The following FHIT variants were observed in gnomAD, a reference collection of about 807,000 sequenced individuals.
FHIT encodes bis(5'-adenosyl)-triphosphatase.
FHIT carries 19 observed loss-of-function variants against 17.9 expected under a neutral mutation model. The observed-to-expected ratio is 1.06, with a 90% CI of 0.74 to 1.56. The LOEUF is 1.56. Among genes scored for constraint, FHIT ranks in the 40% most tolerant of loss-of-function variants. The probability of loss-of-function intolerance (pLI) is 0.00; values close to 1 mark genes in which losing one functional copy is unlikely to be tolerated. For synonymous variants in FHIT, 81 were observed against 69.7 expected, an observed-to-expected ratio of 1.16 and a Z score of -0.81; for missense variants, 248 against 189.2, an observed-to-expected ratio of 1.31 and a Z score of -1.82.
chr3:61,185,959 T>A (rs2038495264), intron 2 of FHIT, among the ~76,000 whole-genome samples: 2 of 152,164 alleles, frequency 1.3e-5, no homozygotes, highest in Admixed American at 6.5e-5. Flanking sequence ...AATAAAGACA[T>A]AGACTGAACC....
At chr3:61,000,575 T>C (rs2031004647) in intron 3 of FHIT, among the ~76,000 whole-genome samples, 1 of 152,132 alleles carries the variant, frequency 6.6e-6, no homozygotes. Flanking sequence ...CTCTACTCCT[T>C]CCCTCTAAAT....
At chr3:60,427,724 T>G (rs1443133290) in intron 5 of FHIT, among the ~76,000 whole-genome samples, 1 of 152,148 alleles carries the variant, frequency 6.6e-6, no homozygotes, top group Non-Finnish European at 1.5e-5. Context: ...TATTGCTAGA[T>G]TTTTAGACTG....
intron 3 of FHIT, among the ~76,000 whole-genome samples, chr3:60,991,023 T>C (rs2030160198): frequency 6.6e-6 from 1 of 152,112 alleles, no homozygotes; most frequent in South Asian, 2.1e-4. Flanking sequence ...AAAATAAGTT[T>C]GGTAGTAGTA....
chr3:61,209,289 A>T (rs1055577986), intron 1 of FHIT, among the ~76,000 whole-genome samples: 4 of 152,090 alleles, frequency 2.6e-5, no homozygotes, highest in South Asian at 4.1e-4. Flanking sequence ...CTGACAATGA[A>T]GTGTCTTGGA....
intron 5 of FHIT, among the ~76,000 whole-genome samples, chr3:60,019,511 T>A (rs990875677): frequency 4.0e-5 from 6 of 150,534 alleles, no homozygotes; most frequent in African/African-American, 1.5e-4. Flanking sequence ...CTCTGCTTCC[T>A]GGGTTCAAGT....
rs1038376029 is a variant in FHIT, at chr3:60,757,975, G to A, written c.-18+63944C>T. 1.1e-4 allele frequency among the ~76,000 whole-genome samples: 16 copies of A among 152,280 alleles called. No homozygotes were observed. In the East Asian group the frequency reaches 2.5e-3, roughly 24 times the overall value. On this transcript the variant is annotated intron_variant, in intron 4 of 9. Transcript: ENST00000492590. Reference sequence around the variant, plus strand: ...TCGCCTGTTGCCTGCCTCAGAGGCTGGCTTACATGGACTACGGCCCAGGGC... The same window carrying A: ...TCGCCTGTTGCCTGCCTCAGAGGCTAGCTTACATGGACTACGGCCCAGGGC...
At chr3:60,055,900 G>C (rs1336455490) in intron 5 of FHIT, among the ~76,000 whole-genome samples, 1 of 152,120 alleles carries the variant, frequency 6.6e-6, no homozygotes, top group African/African-American at 2.4e-5. Flanking sequence ...TGGCTCCTAA[G>C]GACTCAGTAA....
intron 5 of FHIT, among the ~76,000 whole-genome samples, chr3:60,217,378 C>G (rs1047248522): frequency 3.9e-5 from 6 of 152,186 alleles, no homozygotes; most frequent in African/African-American, 1.4e-4. Context: ...CCATCAATCA[C>G]CAGTTCCACT....
intron 4 of FHIT, among the ~76,000 whole-genome samples, chr3:60,770,896 G>T (rs188329027): frequency 3.0e-4 from 46 of 152,222 alleles, no homozygotes; most frequent in East Asian, 2.5e-3. Context: ...CCATTCTATT[G>T]TTTGCAACTA....
At chr3:60,557,348 G>C (rs185419525) in intron 4 of FHIT, among the ~76,000 whole-genome samples, 1 of 152,058 alleles carries the variant, frequency 6.6e-6, no homozygotes, top group African/African-American at 2.4e-5. Flanking sequence ...TCATGTAAAT[G>C]ATCATTCCAA....
intron 4 of FHIT, among the ~76,000 whole-genome samples, chr3:60,808,791 C>G (rs960298432): frequency 1.3e-5 from 2 of 152,254 alleles, no homozygotes; most frequent in East Asian, 3.9e-4. Flanking sequence ...AGTTCTCCCC[C>G]CTGATTTCTT....
Position 59,759,443 on chromosome 3 carries a change from A to T in FHIT, c.349-7122T>A, listed in dbSNP as rs138868308. ...GTTAGCGTCATGGCCACTAAGTGAG[A>T]GGACTTGGCCCCTCACTATAGATGG... On this transcript the variant is annotated intron_variant, in intron 8 of 9. Coordinates refer to ENST00000492590, the MANE Select transcript of FHIT (RefSeq NM_002012.4). Among the ~76,000 whole-genome samples the T allele has an allele frequency of 1.0e-3, 154 of 152,298 alleles. 1 individual carries two copies. The highest frequency in any genetic ancestry group is 3.3e-3 in the African/African-American group (138 of 41,578).
At chr3:59,907,934 G>A (rs886071399) in intron 8 of FHIT, among the ~76,000 whole-genome samples, 1 of 152,130 alleles carries the variant, frequency 6.6e-6, no homozygotes, top group African/African-American at 2.4e-5. Context: ...ATGGCCAGTT[G>A]AATCTTTCTC....
intron 2 of FHIT, among the ~76,000 whole-genome samples, chr3:61,085,942 T>A (rs1170463689): frequency 6.6e-6 from 1 of 152,220 alleles, no homozygotes; most frequent in Non-Finnish European, 1.5e-5. Flanking sequence ...TTTCATTTTG[T>A]AATTCTTTGT....
At chr3:61,230,386 A>G (rs2040070114) in intron 1 of FHIT, among the ~76,000 whole-genome samples, 1 of 152,116 alleles carries the variant, frequency 6.6e-6, no homozygotes, top group South Asian at 2.1e-4. Context: ...CTTTTGCCAT[A>G]TGACATGCCT....
intron 8 of FHIT, among the ~76,000 whole-genome samples, chr3:59,905,343 G>A (rs1050735489): frequency 3.3e-5 from 5 of 152,204 alleles, no homozygotes; most frequent in African/African-American, 9.7e-5. Context: ...TTCTAGCCTG[G>A]ATTTTTCAGA....
rs563633106 is a variant in FHIT at position 60,082,053 on chromosome 3, T to C, written c.104-67901A>G. On this transcript the variant is annotated intron_variant, in intron 5 of 9. Transcript: ENST00000492590. ...TATTGCATGATGCTCATGTTTGGGG[T>C]ATGATTAATACCATCACCCAGGTAG... Among the ~76,000 whole-genome samples, 6 of 152,182 alleles carry C rather than the reference T, an allele frequency of 3.9e-5. No homozygotes were observed. The East Asian group carries it at 9.6e-4, about 24-fold the overall frequency.
At chr3:60,692,626 C>G (rs1265855372) in intron 4 of FHIT, among the ~76,000 whole-genome samples, 1 of 152,156 alleles carries the variant, frequency 6.6e-6, no homozygotes, top group Admixed American at 6.6e-5. Flanking sequence ...TTAGAGACCT[C>G]AGAAAGGAAT....
intron 4 of FHIT, among the ~76,000 whole-genome samples, chr3:60,622,059 G>T (rs1285202377): frequency 6.6e-6 from 1 of 152,064 alleles, no homozygotes; most frequent in Non-Finnish European, 1.5e-5. Flanking sequence ...CCATCTTAGA[G>T]GCAAGAAAGC....
Sources: gnomAD v4.1 joint callset for allele counts (sites outside exome capture counted in the v4.1 genomes callset) on GRCh38, gnomAD v4.1.1 for gene constraint, MANE v1.5 for transcripts, NCBI Gene and HGNC (gene_info 2026-07-23, HGNC 2026-07-21) for gene names.